The following DPY19L3 variants were observed in gnomAD, a reference collection of about 807,000 sequenced individuals.
DPY19L3 encodes the protein protein C-mannosyl-transferase DPY19L3.
A neutral mutation model predicts 92.3 loss-of-function variants in DPY19L3; 51 were observed. That is an observed-to-expected ratio of 0.55 (90% confidence interval 0.44 to 0.70). The LOEUF is 0.70. Among genes scored for constraint, DPY19L3 ranks in the 30% least tolerant of loss-of-function variants. The probability of loss-of-function intolerance (pLI) is 0.00; values close to 1 mark genes in which losing one functional copy is unlikely to be tolerated. For synonymous variants in DPY19L3, 309 were observed against 315.2 expected, an observed-to-expected ratio of 0.98 and a Z score of 0.21; for missense variants, 706 against 855.9, an observed-to-expected ratio of 0.82 and a Z score of 2.18.
intron 4 of DPY19L3, among the ~76,000 whole-genome samples, chr19:32,436,121 A>T (rs1006059238): frequency 6.6e-6 from 1 of 152,242 alleles, no homozygotes; most frequent in Non-Finnish European, 1.5e-5. Flanking sequence ...GAGATACTGC[A>T]GGTTGCATGG....
chr19:32,475,895 GA>G (rs1304659907), intron 16 of DPY19L3, among the ~76,000 whole-genome samples: 2 of 152,144 alleles, frequency 1.3e-5, no homozygotes, highest in Non-Finnish European at 2.9e-5. Flanking sequence ...TTTCCTGCTG[GA>G]ATCTGCATTC....
At chr19:32,420,715 G>T (rs1474052947) in intron 3 of DPY19L3, among the ~76,000 whole-genome samples, 1 of 152,148 alleles carries the variant, frequency 6.6e-6, no homozygotes, top group Non-Finnish European at 1.5e-5. Flanking sequence ...CTCCCAAAGT[G>T]CTGGGATTAC....
At chr19:32,420,450 T>TGTTG (rs143241921) in intron 3 of DPY19L3, among the ~76,000 whole-genome samples, 6 of 152,024 alleles carry the variant, frequency 3.9e-5, no homozygotes, top group Admixed American at 1.3e-4. Context: ...TTTGTTTTTT[T>TGTTG]TTGTTGTTGT....
chr19:32,446,875 T>C (rs1384693691), intron 8 of DPY19L3, among the ~76,000 whole-genome samples: 1 of 152,202 alleles, frequency 6.6e-6, no homozygotes, highest in Non-Finnish European at 1.5e-5. Flanking sequence ...CTAATGATCA[T>C]TTATAGAAAC....
chr19:32,464,243 A>G (rs1738806629), intron 14 of DPY19L3, among the ~76,000 whole-genome samples: 1 of 152,188 alleles, frequency 6.6e-6, no homozygotes, highest in Non-Finnish European at 1.5e-5. Flanking sequence ...AAGGGGAATT[A>G]AAATTACCAA....
At chr19:32,470,072 A>G (rs1970311560) in intron 16 of DPY19L3, among the ~76,000 whole-genome samples, 1 of 152,220 alleles carries the variant, frequency 6.6e-6, no homozygotes, top group Non-Finnish European at 1.5e-5. Context: ...CATGGATCTC[A>G]TAGAGATTTG....
At position 32,482,102 on chromosome 19, in the gene DPY19L3, T is replaced by G. The variant is rs779571678; in HGVS notation, c.2013T>G (p.Asn671Lys). ...NGHMMDGPGE[N>K]DPDLKPADHP... ...AGATGATGGATGGCCCAGGAGAGAA[T>G]GATCCTGATTTGAAACCTGCAGACC... Residue 671 changes from asparagine (N) to lysine (K), a missense_variant, in exon 19 of 19, where the codon AAT becomes AAG. By Grantham distance (94) the Asn-to-Lys change is moderately conservative. Transcript: ENST00000392250. 6.2e-7 allele frequency: 1 copy of G among 1,613,806 alleles called. No individual in the cohort carries two copies. The highest frequency in any genetic ancestry group is 8.5e-7 in the Non-Finnish European group (1 of 1,179,818).
At chr19:32,460,342 T>C (rs535753613) in intron 12 of DPY19L3, among the ~76,000 whole-genome samples, 2 of 152,278 alleles carry the variant, frequency 1.3e-5, no homozygotes, top group African/African-American at 2.4e-5. Flanking sequence ...GCCCAGGCGT[T>C]TGAGGTTTCA....
chr19:32,440,934 G>A (rs1052876685), intron 8 of DPY19L3, among the ~76,000 whole-genome samples: 1 of 152,022 alleles, frequency 6.6e-6, no homozygotes, highest in Non-Finnish European at 1.5e-5. Context: ...GATGTCAGGG[G>A]TGGGGGCAGA....
intron 8 of DPY19L3, among the ~76,000 whole-genome samples, chr19:32,445,119 G>A (rs191736940): frequency 1.3e-4 from 20 of 148,676 alleles, no homozygotes; most frequent in African/African-American, 4.7e-4. Flanking sequence ...CCAAAAGGAA[G>A]TGGCCTAGTA....
rs117099240 is a variant in DPY19L3, at chr19:32,424,353, G to A, written c.238-8363G>A. 1.2e-3 allele frequency among the ~76,000 whole-genome samples: 189 copies of A among 151,574 alleles called. 2 individuals are homozygous for A. In the East Asian group the frequency reaches 0.036, roughly 29 times the overall value. ...AAAAAGAAATAAATAAAAAAAAATG[G>A]ATGGGAGTATCCTGATTTCTTTCTC... On this transcript the variant is annotated intron_variant, in intron 3 of 18. Coordinates refer to ENST00000392250, the MANE Select transcript of DPY19L3 (RefSeq NM_001172774.2).
chr19:32,447,774 TAGATTA>T (rs1969553366), intron 8 of DPY19L3, among the ~76,000 whole-genome samples: 2 of 137,854 alleles, frequency 1.5e-5, no homozygotes, highest in African/African-American at 5.5e-5. Flanking sequence ...GATAGATAGA[TAGATTA>T]GATAAGATAC....
intron 3 of DPY19L3, among the ~76,000 whole-genome samples, chr19:32,417,980 TA>T (rs1800184874): frequency 6.6e-6 from 1 of 152,120 alleles, no homozygotes; most frequent in Non-Finnish European, 1.5e-5. Flanking sequence ...AAGCTAGACT[TA>T]CGGGGCTGAA....
intron 15 of DPY19L3, chr19:32,467,659 T>TA (rs1970238790): frequency 1.0e-6 from 1 of 987,602 alleles, no homozygotes; most frequent in Non-Finnish European, 1.2e-6. Flanking sequence ...GGTTCTTAAA[T>TA]AAAAGTATTA....
chr19:32,451,239 A>G (rs927359086), intron 8 of DPY19L3, among the ~76,000 whole-genome samples: 2 of 152,236 alleles, frequency 1.3e-5, no homozygotes, highest in East Asian at 3.8e-4. Context: ...GATGTGAGAA[A>G]GTGATATGGT....
At chr19:32,480,201 C>T (rs765124372) in intron 17 of DPY19L3, among the ~76,000 whole-genome samples, 198 bp from the exon 18 acceptor site, 3 of 152,158 alleles carry the variant, frequency 2.0e-5, no homozygotes, top group Non-Finnish European at 2.9e-5. Flanking sequence ...TTCCCAAGGC[C>T]GAGCACTCAC....
chr19:32,458,612 G>A lies in DPY19L3; in HGVS notation c.1322+103G>A, dbSNP rs950103403. 26 of 1,207,162 alleles carry A rather than the reference G, an allele frequency of 2.2e-5. No homozygotes were observed. In the Admixed American group the frequency reaches 5.6e-4, roughly 26 times the overall value. 74.8% of individuals were successfully genotyped at this position (1,207,162 alleles called of 1,614,324 possible). A position where few individuals can be genotyped will look rare whatever the true frequency, so the allele number is the denominator to read the frequency against. ...GTCAGAATATCAGACACAAGTAATA[G>A]TATTCATCTTAAAGGGGGAACATAC... is the stretch of plus-strand genomic sequence containing the variant. On this transcript the variant is annotated intron_variant, in intron 12 of 18. Transcript: ENST00000392250.
Position 32,439,773 on chromosome 19 carries a change from C to G in DPY19L3, c.721-3C>G. ...AAATTATACAAAGGTTTTCTTTTTA[C>G]AGAGGCTGACACTTCTTGCCATTTT... On this transcript the variant is annotated splice_polypyrimidine_tract_variant and splice_region_variant and intron_variant, in intron 7 of 18. Transcript: ENST00000392250. 1 of 1,610,558 alleles carries G rather than the reference C, an allele frequency of 6.2e-7. No homozygotes were observed. Among genetic ancestry groups the G allele is most frequent in the Non-Finnish European group, 8.5e-7 (1 of 1,178,910 alleles).
chr19:32,460,303 C>T (rs181442461), intron 12 of DPY19L3, among the ~76,000 whole-genome samples: 8 of 152,130 alleles, frequency 5.3e-5, no homozygotes, highest in East Asian at 1.9e-4. Context: ...GCTAACAAGT[C>T]GGGAGGCTAA....
Sources: allele counts gnomAD v4.1 joint callset (sites outside exome capture counted in the v4.1 genomes callset), GRCh38; gene constraint gnomAD v4.1.1; transcripts MANE v1.5; gene names NCBI Gene and HGNC (gene_info 2026-07-23, HGNC 2026-07-21).